Variants in CST7 observed in about 807,000 individuals in gnomAD.
CST7 encodes the protein cystatin-F.
Under a neutral mutation model 13.1 loss-of-function variants are expected in CST7, and 15 were observed. That is an observed-to-expected ratio of 1.14 (90% CI 0.77 to 1.76). CST7 has a LOEUF of 1.76. Among genes scored for constraint, CST7 ranks in the 40% most tolerant of loss-of-function variants. The pLI, the probability that CST7 is intolerant of heterozygous loss-of-function variation, is 0.00. For missense variants in CST7, 193 were observed against 178.8 expected (o/e 1.08, Z -0.45); for synonymous variants, 75 against 66.9 (o/e 1.12, Z -0.59).
rs967005077 is a variant in CST7, at chr20:24,949,339, GAGA to G, written c.-164_-162del. The stretch of plus-strand genomic sequence containing the variant: ...TGCCCGGCACTGGCCCGTGCTGCCT[GAGA>G]AGGATTGGCACGGGCACAGACCACT... On this transcript the variant is annotated 5_prime_UTR_variant, in exon 1 of 4. Transcript: ENST00000480798. 48 of 1,537,900 alleles carry G rather than the reference GAGA, an allele frequency of 3.1e-5. No individual in the cohort carries two copies. The highest frequency in any genetic ancestry group is 2.7e-5 in the African/African-American group (2 of 73,162).
intron 2 of CST7, among the ~76,000 whole-genome samples, chr20:24,958,582 A>C (rs1345417119): frequency 6.6e-6 from 1 of 152,216 alleles, no homozygotes; most frequent in Non-Finnish European, 1.5e-5. Flanking sequence ...CAGGCCTGAC[A>C]CAGAGGCCAC....
chr20:24,950,556 G>A (rs1432493824), intron 1 of CST7, among the ~76,000 whole-genome samples: 2 of 152,240 alleles, frequency 1.3e-5, no homozygotes, highest in East Asian at 3.9e-4. Flanking sequence ...GGACACGGCA[G>A]GCTGGAGGAG....
At chr20:24,959,166 A>C (rs1042798192) in intron 3 of CST7, 122 bp downstream of exon 3, 9 of 775,106 alleles carry the variant, frequency 1.2e-5, no homozygotes, top group Admixed American at 2.1e-5. Flanking sequence ...CCCCTGAGGA[A>C]GCCAGGCCTC....
chr20:24,955,818 G>C (rs554791011), intron 1 of CST7, among the ~76,000 whole-genome samples: 2 of 152,294 alleles, frequency 1.3e-5, no homozygotes, highest in African/African-American at 4.8e-5. Context: ...ACAGTCCCAG[G>C]GCATGCCAGC....
intron 1 of CST7, among the ~76,000 whole-genome samples, chr20:24,954,328 T>C (rs2087840123): frequency 6.6e-6 from 1 of 152,076 alleles, no homozygotes; most frequent in South Asian, 2.1e-4. Flanking sequence ...AGAGCACCCA[T>C]TCTCCCGCTC....
chr20:24,957,282 T>C lies in CST7; in HGVS notation c.71-5T>C. ...TGTTCTTGTCTGGCTCTTTGTCTCT[T>C]TCAGATACTTGTTCCCAGGACCTTA... On this transcript the variant is annotated splice_region_variant and splice_polypyrimidine_tract_variant and intron_variant, in intron 1 of 3. Coordinates refer to ENST00000480798, the MANE Select transcript of CST7 (RefSeq NM_003650.4). The C allele has an allele frequency of 6.2e-7, 1 of 1,611,616 alleles. No homozygotes were observed. The highest frequency in any genetic ancestry group is 1.1e-5 in the South Asian group (1 of 90,866).
chr20:24,957,429 G>C lies in CST7; in HGVS notation c.213G>C (p.Lys71Asn). The change falls in exon 2 of 4, where the codon AAG becomes AAC. Residue 71 changes from lysine (K) to asparagine (N), a missense_variant. By Grantham distance (94) the Lys-to-Asn change is moderately conservative. Coordinates refer to ENST00000480798, the MANE Select transcript of CST7 (RefSeq NM_003650.4). ...GCACGAACGACATGTTCTTGTTCAA[G>C]GAGTCCCGCATCACAAGGGCCCTAG... ...NNCTNDMFLF[K>N]ESRITRALVQ... is the part of the protein sequence containing the mutation. The C allele has an allele frequency of 1.9e-6, 3 of 1,613,794 alleles. No homozygotes were observed. In the Admixed American group the frequency reaches 5.0e-5, roughly 27 times the overall value.
rs188400790 is a variant in CST7, at chr20:24,952,151, T to G, written c.70+2576T>G. Among the ~76,000 whole-genome samples the G allele has an allele frequency of 2.0e-5, 3 of 152,312 alleles. No homozygotes were observed. In the East Asian group the frequency reaches 5.8e-4, roughly 29 times the overall value. On this transcript the variant is annotated intron_variant, in intron 1 of 3. Coordinates refer to ENST00000480798, the MANE Select transcript of CST7 (RefSeq NM_003650.4). ...AGACCCCTGCTGTGGCCATGTGCAT[T>G]TTGATATATTGATAATGATTACAGT... is the stretch of plus-strand genomic sequence containing the variant.
At chr20:24,957,261 C>T in intron 1 of CST7, 26 bp from the exon 2 acceptor site, 2 of 1,605,744 alleles carry the variant, frequency 1.2e-6, no homozygotes, top group Non-Finnish European at 1.7e-6. Flanking sequence ...CATCAGTGTT[C>T]TTGTCTGGCT....
Position 24,957,430 on chromosome 20 carries a change from G to C in CST7, c.214G>C (p.Glu72Gln), listed in dbSNP as rs1164098423. The stretch of plus-strand genomic sequence containing the variant: ...CACGAACGACATGTTCTTGTTCAAG[G>C]AGTCCCGCATCACAAGGGCCCTAGT... ...NCTNDMFLFKESRITRALVQI... is the reference protein window; with the variant it reads ...NCTNDMFLFKQSRITRALVQI... Residue 72 changes from glutamate (E) to glutamine (Q), a missense_variant, in exon 2 of 4, where the codon GAG (glutamate) becomes CAG (glutamine). Physicochemically the swap from Glu to Gln is conservative, Grantham distance 29. Coordinates refer to ENST00000480798, the MANE Select transcript of CST7 (RefSeq NM_003650.4). The C allele has an allele frequency of 1.2e-6, 2 of 1,613,742 alleles. No homozygotes were observed. The highest frequency in any genetic ancestry group is 1.1e-5 in the South Asian group (1 of 91,090).
chr20:24,959,873 C>A lies in CST7; in HGVS notation c.*161C>A. On this transcript the variant is annotated 3_prime_UTR_variant, in exon 4 of 4. Transcript: ENST00000480798. ...GGTCACCGCAGGGCAGCTGGAATGG[C>A]AGCATGGTAGCACCTCCTAACAGAT... 1.5e-6 allele frequency: 1 copy of A among 673,062 alleles called. No individual in the cohort carries two copies. The allele number at this position is 673,062 out of a possible 1,614,324, so 41.7% of individuals were successfully genotyped here.
intron 1 of CST7, among the ~76,000 whole-genome samples, chr20:24,952,341 G>A (rs904421334): frequency 1.3e-5 from 2 of 152,188 alleles, no homozygotes; most frequent in Admixed American, 6.5e-5. Flanking sequence ...TTCAAACTCC[G>A]GGTGTGTCCC....
At chr20:24,953,724 C>A (rs775884146) in intron 1 of CST7, among the ~76,000 whole-genome samples, 4 of 152,194 alleles carry the variant, frequency 2.6e-5, no homozygotes, top group Non-Finnish European at 5.9e-5. Context: ...GGTCAGGCTG[C>A]CCCGGCAGGC....
chr20:24,949,505 C>A lies in CST7; in HGVS notation c.-1C>A, dbSNP rs777651450. 5.0e-6 allele frequency: 8 copies of A among 1,614,166 alleles called. No individual in the cohort carries two copies. The South Asian group carries it at 8.8e-5, about 18-fold the overall frequency. On this transcript the variant is annotated 5_prime_UTR_variant, in exon 1 of 4. Transcript: ENST00000480798. Reference sequence around the variant, plus strand: ...CCCGCACTGTCCCTACCCGGGCAGCCATGCGAGCGGCTGGAACTCTGCTGG... The same window carrying A: ...CCCGCACTGTCCCTACCCGGGCAGCAATGCGAGCGGCTGGAACTCTGCTGG...
chr20:24,957,430 G>A lies in CST7; in HGVS notation c.214G>A (p.Glu72Lys). Reference protein sequence around the residue: ...NCTNDMFLFKESRITRALVQI... With the variant: ...NCTNDMFLFKKSRITRALVQI... Reference sequence around the variant, plus strand: ...CACGAACGACATGTTCTTGTTCAAGGAGTCCCGCATCACAAGGGCCCTAGT... The same window carrying A: ...CACGAACGACATGTTCTTGTTCAAGAAGTCCCGCATCACAAGGGCCCTAGT... The change falls in exon 2 of 4, where the codon GAG becomes AAG. Residue 72 changes from glutamate to lysine, a missense_variant. Coordinates refer to ENST00000480798, the MANE Select transcript of CST7 (RefSeq NM_003650.4). The A allele has an allele frequency of 6.2e-7, 1 of 1,613,742 alleles. No individual in the cohort carries two copies. The highest frequency in any genetic ancestry group is 8.5e-7 in the Non-Finnish European group (1 of 1,179,766).
Position 24,955,701 on chromosome 20 carries a change from G to A in CST7, c.71-1586G>A, listed in dbSNP as rs1426215962. On this transcript the variant is annotated intron_variant, in intron 1 of 3. Coordinates refer to ENST00000480798, the MANE Select transcript of CST7 (RefSeq NM_003650.4). ...CCTGACCTCGTGATCTGCCCGCCTC[G>A]GCCTCCCAAAGTGCTGGGATTACAG... Among the ~76,000 whole-genome samples, 8 of 152,200 alleles carry A rather than the reference G, an allele frequency of 5.3e-5. No homozygotes were observed. The South Asian group carries it at 1.0e-3, about 20-fold the overall frequency.
In CST7 at chr20:24,952,435, TCCG is replaced by T. The variant is rs201297658; in HGVS notation, c.70+2863_70+2865del. 7.8e-3 allele frequency among the ~76,000 whole-genome samples: 1,195 copies of T among 152,238 alleles called. 14 individuals are homozygous for T. The highest frequency in any genetic ancestry group is 0.027 in the African/African-American group (1,119 of 41,536). ...ATGTGTGTGCCCTCAAAAGATAGAC[TCCG>T]CCATTAGCCATCAGGCAGAGACCCA... On this transcript the variant is annotated intron_variant, in intron 1 of 3. Transcript: ENST00000480798.
At chr20:24,952,762 T>G (rs547504982) in intron 1 of CST7, among the ~76,000 whole-genome samples, 1 of 152,350 alleles carries the variant, frequency 6.6e-6, no homozygotes, top group African/African-American at 2.4e-5. Context: ...AGGGACCATC[T>G]GCGTCCAGCT....
chr20:24,959,692 C>T lies in CST7; in HGVS notation c.418C>T (p.Pro140Ser). 2 of 1,614,092 alleles carry T rather than the reference C, an allele frequency of 1.2e-6. No individual in the cohort carries two copies. Among genetic ancestry groups the T allele is most frequent in the Non-Finnish European group, 1.7e-6 (2 of 1,180,004 alleles). ...GCCCTGGCTCCAGCACTTCGAGGTG[C>T]CTGTTCTCCGTTGTCACTGACCCCC... ...VVPWLQHFEV[P>S]VLRCH The change falls in exon 4 of 4, where the codon CCT becomes TCT. Residue 140 changes from proline (P) to serine (S), a missense_variant. By Grantham distance (74) the Pro-to-Ser change is moderately conservative (BLOSUM62 -1). Transcript: ENST00000480798.
Sources: allele counts gnomAD v4.1 joint callset (sites outside exome capture counted in the v4.1 genomes callset), GRCh38; gene constraint gnomAD v4.1.1; transcripts MANE v1.5; gene names NCBI Gene and HGNC (gene_info 2026-07-23, HGNC 2026-07-21).